DNMT1: variants seen among roughly 807,000 people sequenced by gnomAD.
DNMT1 encodes the protein DNA (cytosine-5)-methyltransferase 1.
DNMT1 carries 24 observed loss-of-function variants against 205.3 expected under a neutral mutation model. The ratio of observed to expected loss-of-function variants is 0.12; its 90% confidence interval spans 0.08 to 0.16. DNMT1 has a LOEUF of 0.16. Ranked by LOEUF, DNMT1 falls within the 10% of genes least tolerant of loss-of-function variation. The probability of loss-of-function intolerance (pLI) is 1.00; values close to 1 mark genes in which losing one functional copy is unlikely to be tolerated. For synonymous variants in DNMT1, 817 were observed against 839.8 expected (o/e 0.97, Z 0.47); for missense variants, 1,293 against 2,177.7 (o/e 0.59, Z 8.09).
At chr19:10,150,010 G>A in intron 24 of DNMT1, 42 bp from the exon 25 acceptor site, 1 of 1,567,860 alleles carries the variant, frequency 6.4e-7, no homozygotes, top group Non-Finnish European at 8.8e-7. Context: ...CATTCTGAGG[G>A]TCTTTGCTGG....
intron 1 of DNMT1, among the ~76,000 whole-genome samples, chr19:10,191,765 G>A (rs1017056794): frequency 5.3e-5 from 8 of 151,968 alleles, no homozygotes; most frequent in African/African-American, 1.9e-4. Flanking sequence ...GGAGGCCAAC[G>A]CAGAGGATTG....
intron 28 of DNMT1, chr19:10,144,404 T>C: frequency 4.6e-6 from 1 of 219,488 alleles, no homozygotes. Flanking sequence ...CAAGACTCCA[T>C]CTCACAGAAA....
chr19:10,181,071 C>T (rs2039036824), intron 2 of DNMT1, among the ~76,000 whole-genome samples, 186 bp from the exon 3 acceptor site: 1 of 152,174 alleles, frequency 6.6e-6, no homozygotes, highest in Non-Finnish European at 1.5e-5. Context: ...CACTTCACTC[C>T]TGTCTCCAAA....
At position 10,183,343 on chromosome 19, in the gene DNMT1, G is replaced by A. The variant is rs187575636; in HGVS notation, c.81-1266C>T. Among the ~76,000 whole-genome samples the A allele has an allele frequency of 5.3e-5, 8 of 151,860 alleles. No individual in the cohort carries two copies. The South Asian group carries it at 8.3e-4, about 16-fold the overall frequency. On this transcript the variant is annotated intron_variant, in intron 1 of 40. Coordinates refer to ENST00000359526, the MANE Select transcript of DNMT1 (RefSeq NM_001130823.3). ...TTGGTCAGGCTGGTTTCGAACTCCC[G>A]ACCTCAGGCGATCCACCTGCCTCAG...
intron 1 of DNMT1, among the ~76,000 whole-genome samples, chr19:10,189,830 T>C (rs2039265634): frequency 6.6e-6 from 1 of 152,116 alleles, no homozygotes. Context: ...GCATCCCCAC[T>C]GTACACACAG....
chr19:10,151,415 C>T lies in DNMT1; in HGVS notation c.2248G>A (p.Val750Ile). Residue 750 changes from valine (V) to isoleucine (I), a missense_variant, in exon 24 of 41, where the codon GTC becomes ATC. Val to Ile is a conservative substitution (Grantham distance 29, BLOSUM62 3). Coordinates refer to ENST00000359526, the MANE Select transcript of DNMT1 (RefSeq NM_001130823.3). The surrounding 1 kb of genome is among the most constrained non-coding windows in gnomAD (Gnocchi z 5.0). Reference sequence around the variant, plus strand: ...AGGGTTACCTTGACGGCTTCTCCGACCCAAGAGATGCGATTCTTGTTCTGT... The same window carrying T: ...AGGGTTACCTTGACGGCTTCTCCGATCCAAGAGATGCGATTCTTGTTCTGT... Reference protein sequence around the residue: ...KKQNKNRISWVGEAVKTDGKK... With the variant: ...KKQNKNRISWIGEAVKTDGKK... 1 of 1,613,842 alleles carries T rather than the reference C, an allele frequency of 6.2e-7. No individual in the cohort carries two copies. The highest frequency in any genetic ancestry group is 8.5e-7 in the Non-Finnish European group (1 of 1,180,032).
rs779257236 is a variant in DNMT1, at chr19:10,177,375, A to G, written c.494-8T>C. 1 of 1,612,552 alleles carries G rather than the reference A, an allele frequency of 6.2e-7. No individual in the cohort carries two copies. Among genetic ancestry groups the G allele is most frequent in the Non-Finnish European group, 8.5e-7 (1 of 1,179,650 alleles). ...GGCTAGGTGAAGGTTCAGCTGTTTA[A>G]AGAAGAAAAAGCATTAAAAAGAAAA... On this transcript the variant is annotated splice_polypyrimidine_tract_variant and splice_region_variant and intron_variant, in intron 5 of 40. Coordinates refer to ENST00000359526, the MANE Select transcript of DNMT1 (RefSeq NM_001130823.3).
intron 13 of DNMT1, among the ~76,000 whole-genome samples, chr19:10,161,333 A>G (rs1053683377): frequency 2.4e-4 from 35 of 145,468 alleles, no homozygotes; most frequent in South Asian, 4.2e-4. Context: ...AAATAAATAA[A>G]TAAATAAATA....
chr19:10,186,753 G>A lies in DNMT1; in HGVS notation c.81-4676C>T, dbSNP rs543515345. On this transcript the variant is annotated intron_variant, in intron 1 of 40. Transcript: ENST00000359526. Reference sequence around the variant, plus strand: ...CTCAGGAGGCTGAGGCAGGAGAATCGCTTGAACCCGGGAGGTGGAGGCTGC... The same window carrying A: ...CTCAGGAGGCTGAGGCAGGAGAATCACTTGAACCCGGGAGGTGGAGGCTGC... Among the ~76,000 whole-genome samples, 18 of 149,392 alleles carry A rather than the reference G, an allele frequency of 1.2e-4. No individual in the cohort carries two copies. The South Asian group carries it at 3.0e-3, about 25-fold the overall frequency.
intron 13 of DNMT1, 31 bp downstream of exon 13, chr19:10,162,636 A>G (rs770298198): frequency 8.4e-4 from 1,326 of 1,572,340 alleles, no homozygotes; most frequent in Non-Finnish European, 1.1e-3. Context: ...AAAAAAAAAA[A>G]AAAAGAAAGA....
Position 10,137,412 on chromosome 19 carries a change from G to A in DNMT1, c.4294-132C>T. 2 of 1,183,508 alleles carry A rather than the reference G, an allele frequency of 1.7e-6. No homozygotes were observed. Among genetic ancestry groups the A allele is most frequent in the East Asian group, 5.1e-5 (2 of 39,030 alleles). The allele number at this position is 1,183,508 out of a possible 1,614,324, so 73.3% of individuals were successfully genotyped here. A position where few individuals can be genotyped will look rare whatever the true frequency, so the allele number is the denominator to read the frequency against. On this transcript the variant is annotated intron_variant, in intron 36 of 40. Transcript: ENST00000359526. This position sits in a 1 kb window ranked among gnomAD's most constrained non-coding sequence, Gnocchi z 6.4. Reference sequence around the variant, plus strand: ...GCTCACGCCCATCGGGAAAGAGACAGTCAGGGATATCGCACTTGGCTCGAG... The same window carrying A: ...GCTCACGCCCATCGGGAAAGAGACAATCAGGGATATCGCACTTGGCTCGAG...
In DNMT1 at chr19:10,140,262, T is replaced by C. The variant is rs2089576371; in HGVS notation, c.3590A>G (p.Asn1197Ser). Residue 1197 changes from asparagine (N) to serine (S), a missense_variant, in exon 33 of 41, where the codon AAC becomes AGC. Asn to Ser is a conservative substitution (Grantham distance 46). Around this residue, in one of 13 missense-constraint regions of DNMT1, gnomAD observed 26 missense variants for 86.5 expected, o/e 0.30. Coordinates refer to ENST00000359526, the MANE Select transcript of DNMT1 (RefSeq NM_001130823.3). This position sits in a 1 kb window ranked among gnomAD's most constrained non-coding sequence, Gnocchi z 8.4. ...CTCTGTGAACACTGTGGAGCCGGGG[T>C]TGTTCAGCCGGAACGCCTGGGCCGC... Reference protein sequence around the residue: ...DPAAQAFRLNNPGSTVFTEDC... With the variant: ...DPAAQAFRLNSPGSTVFTEDC... 3 of 1,613,958 alleles carry C rather than the reference T, an allele frequency of 1.9e-6. No homozygotes were observed. Among genetic ancestry groups the C allele is most frequent in the Admixed American group, 1.7e-5 (1 of 60,024 alleles).
intron 2 of DNMT1, among the ~76,000 whole-genome samples, chr19:10,181,736 G>A (rs1191058819): frequency 1.3e-5 from 2 of 152,030 alleles, no homozygotes; most frequent in Non-Finnish European, 2.9e-5. Flanking sequence ...GGCTGAGGCA[G>A]GAGAACAGCT....
intron 30 of DNMT1, chr19:10,141,656 A>G: frequency 3.0e-6 from 1 of 333,046 alleles, no homozygotes. Flanking sequence ...CGCCTGGCCC[A>G]AGGGACCCAG....
chr19:10,165,761 T>C (rs1406299295), intron 11 of DNMT1, among the ~76,000 whole-genome samples: 2 of 152,022 alleles, frequency 1.3e-5, no homozygotes, highest in African/African-American at 2.4e-5. Context: ...CAGTTTCCAA[T>C]AGAGGGCAGG....
At chr19:10,189,352 A>G (rs2039256779) in intron 1 of DNMT1, among the ~76,000 whole-genome samples, 1 of 151,194 alleles carries the variant, frequency 6.6e-6, no homozygotes. Context: ...CGATCTCCTG[A>G]CCTCGTGATC....
At chr19:10,145,806 C>T (rs535297541) in intron 28 of DNMT1, among the ~76,000 whole-genome samples, 7 of 152,172 alleles carry the variant, frequency 4.6e-5, no homozygotes, top group South Asian at 2.1e-4. Flanking sequence ...CTGTCCCTCG[C>T]GCTTTATCCA....
At chr19:10,166,473 G>T in intron 11 of DNMT1, 125 bp downstream of exon 11, 1 of 1,129,370 alleles carries the variant, frequency 8.9e-7, no homozygotes, top group Non-Finnish European at 1.3e-6. Flanking sequence ...GAGTCTGGAT[G>T]GCCCCATGGA....
rs1228496053 is a variant in DNMT1 at position 10,137,648 on chromosome 19, G to A, written c.4293+184C>T. 1.1e-5 allele frequency: 9 copies of A among 855,600 alleles called. No individual in the cohort carries two copies. The highest frequency in any genetic ancestry group is 4.8e-5 in the South Asian group (3 of 62,360). 53.0% of individuals were successfully genotyped at this position (855,600 alleles called of 1,614,324 possible). On this transcript the variant is annotated intron_variant, in intron 36 of 40. Coordinates refer to ENST00000359526, the MANE Select transcript of DNMT1 (RefSeq NM_001130823.3). This position sits in a 1 kb window ranked among gnomAD's most constrained non-coding sequence, Gnocchi z 6.4. ...CATTCCAGACCAAGTCCAGGACTGCGGGAGCTCTGACACTTCCCATGACCA... is the reference window on the plus strand; with the variant it reads ...CATTCCAGACCAAGTCCAGGACTGCAGGAGCTCTGACACTTCCCATGACCA...
Sources: allele counts gnomAD v4.1 joint callset (sites outside exome capture counted in the v4.1 genomes callset), GRCh38; gene constraint gnomAD v4.1.1; regional missense constraint gnomAD v4.1.1; non-coding constraint Gnocchi (gnomAD v3.1); transcripts MANE v1.5; gene names NCBI Gene and HGNC (gene_info 2026-07-23, HGNC 2026-07-21).